PTGFR: variants seen among roughly 807,000 people sequenced by gnomAD.
PTGFR encodes the protein prostaglandin F2-alpha receptor.
A neutral mutation model predicts 26.2 loss-of-function variants in PTGFR; 15 were observed. That is an observed-to-expected ratio of 0.57 (90% CI 0.38 to 0.88). The LOEUF (loss-of-function observed/expected upper bound fraction) is 0.88, where lower values mean the gene tolerates loss of function less well. Among genes scored for constraint, PTGFR ranks in the 40% least tolerant of loss-of-function variants. The pLI is 0.00. For synonymous variants in PTGFR, 165 were observed against 151.1 expected, an observed-to-expected ratio of 1.09 and a Z score of -0.68; for missense variants, 369 against 427.2, an observed-to-expected ratio of 0.86 and a Z score of 1.20.
intron 2 of PTGFR, among the ~76,000 whole-genome samples, chr1:78,530,047 G>A (rs1263344883): frequency 1.3e-5 from 2 of 152,048 alleles, no homozygotes; most frequent in African/African-American, 2.4e-5. Context: ...GGGGACTGCT[G>A]GTCTAAAGAA....
intron 2 of PTGFR, among the ~76,000 whole-genome samples, chr1:78,495,503 G>T (rs1264393169): frequency 6.6e-6 from 1 of 150,808 alleles, no homozygotes; most frequent in Non-Finnish European, 1.5e-5. Flanking sequence ...GAAAAGAAGT[G>T]GCTAAAAATG....
chr1:78,523,677 C>A (rs953419406), intron 2 of PTGFR, among the ~76,000 whole-genome samples: 1 of 152,048 alleles, frequency 6.6e-6, no homozygotes, highest in African/African-American at 2.4e-5. Flanking sequence ...TTTATTTTAG[C>A]TAATTTTTAA....
At chr1:78,493,592 A>T (rs766519090) in intron 2 of PTGFR, 51 bp downstream of exon 2, 2 of 1,467,302 alleles carry the variant, frequency 1.4e-6, no homozygotes, top group South Asian at 2.9e-5. Context: ...TCCATGTTCA[A>T]TTCAAGGTTA....
chr1:78,513,745 A>C (rs901132481), intron 2 of PTGFR, among the ~76,000 whole-genome samples: 1 of 152,186 alleles, frequency 6.6e-6, no homozygotes, highest in Non-Finnish European at 1.5e-5. Context: ...CCATTTCAGA[A>C]GTCTTTGAGG....
intron 2 of PTGFR, among the ~76,000 whole-genome samples, chr1:78,530,361 A>C (rs1030524163): frequency 6.6e-6 from 1 of 152,172 alleles, no homozygotes; most frequent in African/African-American, 2.4e-5. Flanking sequence ...AACATTTATT[A>C]GTACCAGTTC....
chr1:78,529,926 T>C (rs1205802314), intron 2 of PTGFR, among the ~76,000 whole-genome samples: 4 of 152,108 alleles, frequency 2.6e-5, no homozygotes, highest in Admixed American at 2.6e-4. Context: ...ACGCTCCTTA[T>C]GAGAATCTAA....
At chr1:78,532,751 G>T (rs568163327) in intron 2 of PTGFR, among the ~76,000 whole-genome samples, 1 of 151,326 alleles carries the variant, frequency 6.6e-6, no homozygotes, top group African/African-American at 2.4e-5. Flanking sequence ...CATTAATATC[G>T]AGTCACAGAT....
intron 2 of PTGFR, among the ~76,000 whole-genome samples, chr1:78,525,617 T>A (rs754176120): frequency 2.6e-5 from 4 of 152,048 alleles, no homozygotes; most frequent in South Asian, 2.1e-4. Flanking sequence ...TAATTGATCA[T>A]GTGATTGAAC....
chr1:78,539,170 A>G lies in PTGFR; in HGVS notation c.*2483A>G, dbSNP rs1433334188. On this transcript the variant is annotated 3_prime_UTR_variant, in exon 3 of 3. Coordinates refer to ENST00000370757, the MANE Select transcript of PTGFR (RefSeq NM_000959.4). ...TGGGCCCTTATTTTTTTTTTTCCCT[A>G]GAGGCAGAAAGTTACTTCTAATGAT... The G allele has an allele frequency of 2.6e-5, 4 of 151,196 alleles. No homozygotes were observed. The highest frequency in any genetic ancestry group is 2.6e-4 in the Admixed American group (4 of 15,182). The allele number at this position is 151,196 out of a possible 1,614,324, so 9.4% of individuals were successfully genotyped here. A position where few individuals can be genotyped will look rare whatever the true frequency, so the allele number is the denominator to read the frequency against.
chr1:78,511,847 C>T (rs983942688), intron 2 of PTGFR, among the ~76,000 whole-genome samples: 2 of 152,154 alleles, frequency 1.3e-5, no homozygotes, highest in Admixed American at 1.3e-4. Flanking sequence ...TGTATCTGAT[C>T]ATAGGCTGTT....
intron 2 of PTGFR, among the ~76,000 whole-genome samples, chr1:78,503,551 G>A (rs1227598898): frequency 1.3e-5 from 2 of 152,178 alleles, no homozygotes; most frequent in East Asian, 3.8e-4. Flanking sequence ...TCTCCAGGTG[G>A]AGGGTAAAGG....
chr1:78,514,828 AGATAT>A (rs1390602730), intron 2 of PTGFR, among the ~76,000 whole-genome samples: 2 of 152,060 alleles, frequency 1.3e-5, no homozygotes, highest in Non-Finnish European at 2.9e-5. Context: ...TCAGTTCATA[AGATAT>A]CCGGTTGTTT....
At position 78,493,637 on chromosome 1, in the gene PTGFR, T is replaced by C. The variant is rs919320974; in HGVS notation, c.798+96T>C. Reference sequence around the variant, plus strand: ...TCAGTCTTTTAAATGCTGAGAATGATCCCTACTCAAAATTTATTTCAGCAC... The same window carrying C: ...TCAGTCTTTTAAATGCTGAGAATGACCCCTACTCAAAATTTATTTCAGCAC... On this transcript the variant is annotated intron_variant, in intron 2 of 2. Coordinates refer to ENST00000370757, the MANE Select transcript of PTGFR (RefSeq NM_000959.4). The C allele has an allele frequency of 1.5e-4, 186 of 1,219,896 alleles. 1 individual carries two copies. The Middle Eastern group carries it at 4.8e-3, about 31-fold the overall frequency. 75.6% of individuals were successfully genotyped at this position (1,219,896 alleles called of 1,614,324 possible).
rs1351477953 is a variant in PTGFR, at chr1:78,536,415, G to A, written c.808G>A (p.Ala270Thr). The A allele has an allele frequency of 5.6e-6, 9 of 1,609,366 alleles. No homozygotes were observed. The highest frequency in any genetic ancestry group is 2.7e-5 in the African/African-American group (2 of 74,642). Residue 270 changes from alanine to threonine, a missense_variant, in exon 3 of 3, where the codon GCC (alanine) becomes ACC (threonine). Ala to Thr is a moderately conservative substitution (Grantham distance 58, BLOSUM62 0). Coordinates refer to ENST00000370757, the MANE Select transcript of PTGFR (RefSeq NM_000959.4). Reference sequence around the variant, plus strand: ...TTTTCTTCGTTTCTAGGTTACAATGGCCAACATTGGAATAAATGGAAATCA... The same window carrying A: ...TTTTCTTCGTTTCTAGGTTACAATGACCAACATTGGAATAAATGGAAATCA... ...ICWSPFLVTM[A>T]NIGINGNHSL...
At chr1:78,491,960 GA>G (rs945227186) in intron 1 of PTGFR, among the ~76,000 whole-genome samples, 1 of 152,220 alleles carries the variant, frequency 6.6e-6, no homozygotes, top group African/African-American at 2.4e-5. Context: ...GCTGTAACTG[GA>G]CAGGATCTTG....
At chr1:78,501,003 C>CT (rs33988664) in intron 2 of PTGFR, among the ~76,000 whole-genome samples, 8,075 of 148,562 alleles carry the variant, frequency 0.054, 257 homozygotes, top group African/African-American at 0.091. Flanking sequence ...AAAACATGAC[C>CT]TTTTTTTTTT....
chr1:78,510,648 G>GC (rs1557652298), intron 2 of PTGFR, among the ~76,000 whole-genome samples: 1 of 151,774 alleles, frequency 6.6e-6, no homozygotes, highest in South Asian at 2.1e-4. Flanking sequence ...TCCATCCCTG[G>GC]CCCCCCCAAA....
intron 2 of PTGFR, among the ~76,000 whole-genome samples, chr1:78,518,567 GACACACACACACACACACACACAC>G (rs57447321): frequency 0.044 from 6,120 of 137,952 alleles, 408 homozygotes; most frequent in East Asian, 0.35. Context: ...CAGTATAAAA[GACACACACACACACACACACACAC>G]ACACACACAC....
chr1:78,532,940 C>T (rs1212164415), intron 2 of PTGFR, among the ~76,000 whole-genome samples: 2 of 152,028 alleles, frequency 1.3e-5, no homozygotes, highest in African/African-American at 4.8e-5. Context: ...GATCAATCCA[C>T]AAGGAAATAT....
Sources: allele counts gnomAD v4.1 joint callset (sites outside exome capture counted in the v4.1 genomes callset), GRCh38; gene constraint gnomAD v4.1.1; transcripts MANE v1.5; gene names NCBI Gene and HGNC (gene_info 2026-07-23, HGNC 2026-07-21).